CCDC171: variants seen among roughly 807,000 people sequenced by gnomAD.
The protein encoded by CCDC171 is coiled-coil domain-containing protein 171.
Under a neutral mutation model 168.2 loss-of-function variants are expected in CCDC171, and 177 were observed. That is an observed-to-expected ratio of 1.05 (90% confidence interval 0.93 to 1.19). The LOEUF (loss-of-function observed/expected upper bound fraction) is 1.19. CCDC171 is among the 50% of genes most tolerant of loss of function. The pLI is 0.00. For synonymous variants in CCDC171, 687 were observed against 540.8 expected, an observed-to-expected ratio of 1.27 and a Z score of -3.75; for missense variants, 1,991 against 1,539.0, an observed-to-expected ratio of 1.29 and a Z score of -4.91.
chr9:15,920,536 GATCA>G (rs1353809366), intron 25 of CCDC171, 114 bp downstream of exon 25: 4 of 712,262 alleles, frequency 5.6e-6, no homozygotes, highest in African/African-American at 5.4e-5. Flanking sequence ...TAGGGTAAAT[GATCA>G]ATCAAGTGAC....
At chr9:15,911,047 T>G (rs1312029805) in intron 24 of CCDC171, among the ~76,000 whole-genome samples, 2 of 152,216 alleles carry the variant, frequency 1.3e-5, no homozygotes, top group African/African-American at 4.8e-5. Flanking sequence ...TTATAATCCT[T>G]TGGGTATATA....
Position 15,596,420 on chromosome 9 carries a change from G to C in CCDC171, c.675+2248G>C, listed in dbSNP as rs1364930490. On this transcript the variant is annotated intron_variant, in intron 6 of 25. Coordinates refer to ENST00000380701, the MANE Select transcript of CCDC171 (RefSeq NM_173550.4). ...ATAGGGAATCCTTTCCCCATTTCTT[G>C]TTTTTGTCAGGTTTGTCAAAGATCA... Among the ~76,000 whole-genome samples the C allele has an allele frequency of 3.9e-5, 6 of 151,996 alleles. No individual in the cohort carries two copies. In the South Asian group the frequency reaches 1.2e-3, roughly 32 times the overall value.
At chr9:15,669,303 CTT>C (rs2048945273) in intron 9 of CCDC171, among the ~76,000 whole-genome samples, 3 of 152,034 alleles carry the variant, frequency 2.0e-5, no homozygotes, top group Admixed American at 1.3e-4. Context: ...TTTCAATAAT[CTT>C]TTGTTTTCTT....
intron 23 of CCDC171, among the ~76,000 whole-genome samples, chr9:15,849,697 C>T: frequency 6.6e-6 from 1 of 151,672 alleles, no homozygotes; most frequent in Non-Finnish European, 1.5e-5. Flanking sequence ...GAAATGCAAA[C>T]ATTAAGTACT....
chr9:15,797,826 T>C (rs2058634722), intron 21 of CCDC171, among the ~76,000 whole-genome samples: 1 of 152,142 alleles, frequency 6.6e-6, no homozygotes, highest in Admixed American at 6.5e-5. Flanking sequence ...CATGGTGTGG[T>C]GTAAGGGTTG....
At chr9:15,643,766 T>C (rs575719117) in intron 7 of CCDC171, among the ~76,000 whole-genome samples, 1 of 152,230 alleles carries the variant, frequency 6.6e-6, no homozygotes, top group South Asian at 2.1e-4. Context: ...CCACTTAATA[T>C]ACTTTTTGTC....
At chr9:16,080,436 T>G in the CCDC171 span, among the ~76,000 whole-genome samples, 2 of 152,338 alleles carry the variant, frequency 1.3e-5, no homozygotes, top group African/African-American at 4.8e-5. Context: ...TCTGTTAAGC[T>G]TCTTAATTGT....
At chr9:15,925,698 T>C (rs755405519) in intron 25 of CCDC171, among the ~76,000 whole-genome samples, 7 of 151,586 alleles carry the variant, frequency 4.6e-5, no homozygotes, top group Non-Finnish European at 7.4e-5. Context: ...AACAGTGGAA[T>C]GGGGGGAATA....
At chr9:15,777,856 C>A in intron 19 of CCDC171, 30 bp downstream of exon 19, 1 of 1,406,426 alleles carries the variant, frequency 7.1e-7, no homozygotes, top group Non-Finnish European at 9.6e-7. Flanking sequence ...TAGTAGTAAC[C>A]TAAGAACTTG....
intron 4 of CCDC171, among the ~76,000 whole-genome samples, chr9:15,589,194 A>G (rs1412452082): frequency 6.6e-6 from 1 of 152,170 alleles, no homozygotes; most frequent in Non-Finnish European, 1.5e-5. Context: ...ATTGACACAC[A>G]TAGCCACCTT....
At chr9:15,723,881 T>C in intron 13 of CCDC171, 135 bp downstream of exon 13, 1 of 427,868 alleles carries the variant, frequency 2.3e-6, no homozygotes. Flanking sequence ...GGTAGAATTT[T>C]AATTTTTTCT....
intron 21 of CCDC171, among the ~76,000 whole-genome samples, chr9:15,809,616 G>A (rs973148417): frequency 1.3e-5 from 2 of 149,116 alleles, no homozygotes; most frequent in African/African-American, 5.2e-5. Flanking sequence ...GTCTGGAGTT[G>A]TTCATTCTTC....
At chr9:16,071,008 GTTGGAATT>G in the CCDC171 span, among the ~76,000 whole-genome samples, 1 of 152,212 alleles carries the variant, frequency 6.6e-6, no homozygotes, top group Non-Finnish European at 1.5e-5. Context: ...TGGAACTTCT[GTTGGAATT>G]TTTGGGACAA....
At chr9:15,914,898 G>A (rs556272087) in intron 24 of CCDC171, among the ~76,000 whole-genome samples, 1 of 152,084 alleles carries the variant, frequency 6.6e-6, no homozygotes, top group Non-Finnish European at 1.5e-5. Flanking sequence ...GGTTTGGAGA[G>A]GGAGTTCCCT....
In CCDC171 at chr9:15,569,131, C is replaced by G. The variant is rs1015760029; in HGVS notation, c.42-2493C>G. Among the ~76,000 whole-genome samples, 3 of 152,286 alleles carry G rather than the reference C, an allele frequency of 2.0e-5. No individual in the cohort carries two copies. In the South Asian group the frequency reaches 6.2e-4, roughly 32 times the overall value. ...TTTCTGAAATTTCCATGCATTTAAC[C>G]TGGGCTCTTTTAATAGGCCTTTTCG... is the stretch of plus-strand genomic sequence containing the variant. On this transcript the variant is annotated intron_variant, in intron 2 of 25. Coordinates refer to ENST00000380701, the MANE Select transcript of CCDC171 (RefSeq NM_173550.4).
chr9:15,580,306 CAA>C (rs1165167579), intron 4 of CCDC171, among the ~76,000 whole-genome samples: 2 of 152,036 alleles, frequency 1.3e-5, no homozygotes, highest in Non-Finnish European at 1.5e-5. Flanking sequence ...TTGGCTTAGG[CAA>C]AGAGTTCATG....
chr9:15,832,459 T>TAA (rs2060273955), intron 21 of CCDC171, among the ~76,000 whole-genome samples: 1 of 152,218 alleles, frequency 6.6e-6, no homozygotes, highest in African/African-American at 2.4e-5. Context: ...GGCTCCATGG[T>TAA]AAAGCCTGTT....
intron 25 of CCDC171, among the ~76,000 whole-genome samples, chr9:15,966,007 C>T (rs1278994120): frequency 6.6e-6 from 1 of 152,186 alleles, no homozygotes; most frequent in Non-Finnish European, 1.5e-5. Flanking sequence ...TTCATTCACT[C>T]ATTCATCATT....
chr9:15,864,033 C>T (rs959226463), intron 23 of CCDC171, among the ~76,000 whole-genome samples: 3 of 152,078 alleles, frequency 2.0e-5, no homozygotes, highest in Admixed American at 6.6e-5. Context: ...TAGTCAACCA[C>T]TGTTTTGACA....
Sources: gnomAD v4.1 joint callset for allele counts (sites outside exome capture counted in the v4.1 genomes callset) on GRCh38, gnomAD v4.1.1 for gene constraint, MANE v1.5 for transcripts, NCBI Gene and HGNC (gene_info 2026-07-23, HGNC 2026-07-21) for gene names.